Variants in CNGA1 observed in about 807,000 individuals in gnomAD.
The protein encoded by CNGA1 is cyclic nucleotide gated channel subunit alpha 1.
CNGA1 carries 53 observed loss-of-function variants against 69.7 expected under a neutral mutation model. That is an observed-to-expected ratio of 0.76 (90% CI 0.61 to 0.96). The LOEUF is 0.96. CNGA1 is among the 40% of genes least tolerant of loss of function. The probability of loss-of-function intolerance (pLI) is 0.00; values close to 1 mark genes in which losing one functional copy is unlikely to be tolerated. For missense variants in CNGA1, 739 were observed against 811.2 expected (o/e 0.91, Z 1.08); for synonymous variants, 249 against 283.5 (o/e 0.88, Z 1.22).
At chr4:47,958,353 G>C (rs1740220026) in intron 3 of CNGA1, among the ~76,000 whole-genome samples, 1 of 152,204 alleles carries the variant, frequency 6.6e-6, no homozygotes, top group South Asian at 2.1e-4. Context: ...GGCCAGGCGT[G>C]GTGGCTCACG....
chr4:47,996,951 T>C (rs1209611270), intron 2 of CNGA1, among the ~76,000 whole-genome samples: 3 of 152,082 alleles, frequency 2.0e-5, no homozygotes, highest in African/African-American at 7.2e-5. Flanking sequence ...CCCCAGCTAC[T>C]CAGGAGGCTG....
At chr4:47,940,734 T>C (rs778374810) in intron 10 of CNGA1, 29 bp downstream of exon 10, 2 of 1,378,598 alleles carry the variant, frequency 1.5e-6, no homozygotes, top group Non-Finnish European at 2.1e-6. Flanking sequence ...GCATGAAATT[T>C]TAAAATATTC....
intron 3 of CNGA1, among the ~76,000 whole-genome samples, chr4:47,954,650 C>T (rs1578080920): frequency 6.6e-6 from 1 of 152,254 alleles, no homozygotes; most frequent in Admixed American, 6.5e-5. Context: ...GAATGTTCCT[C>T]CTCCTAATTC....
At chr4:48,008,266 C>T (rs1715006768) in intron 2 of CNGA1, among the ~76,000 whole-genome samples, 1 of 152,146 alleles carries the variant, frequency 6.6e-6, no homozygotes, top group East Asian at 1.9e-4. Context: ...CCTGAACATC[C>T]CTTTCTTAAA....
intron 6 of CNGA1, 120 bp downstream of exon 6, chr4:47,949,713 A>G: frequency 2.8e-6 from 2 of 709,742 alleles, no homozygotes; most frequent in South Asian, 3.7e-5. Flanking sequence ...TATCATTGCC[A>G]TTGTATTAGA....
chr4:47,955,425 C>T (rs1308971977), intron 3 of CNGA1, among the ~76,000 whole-genome samples: 1 of 152,010 alleles, frequency 6.6e-6, no homozygotes, highest in Non-Finnish European at 1.5e-5. Flanking sequence ...TCAGGTGATC[C>T]GCCCCCTTCA....
intron 3 of CNGA1, among the ~76,000 whole-genome samples, chr4:47,961,736 A>C (rs577595051): frequency 6.6e-6 from 1 of 152,308 alleles, no homozygotes; most frequent in East Asian, 1.9e-4. Context: ...TCAAAAATAA[A>C]AATAAAAATA....
At chr4:47,950,920 A>G (rs1739699602) in intron 5 of CNGA1, among the ~76,000 whole-genome samples, 1 of 152,232 alleles carries the variant, frequency 6.6e-6, no homozygotes, top group South Asian at 2.1e-4. Context: ...TACTTGCTTC[A>G]GGACCCTGAA....
chr4:47,966,557 G>A (rs1014771620), intron 3 of CNGA1, among the ~76,000 whole-genome samples: 1 of 152,178 alleles, frequency 6.6e-6, no homozygotes, highest in African/African-American at 2.4e-5. Flanking sequence ...TGTTGCAAAG[G>A]ATTCCTGAAT....
intron 2 of CNGA1, among the ~76,000 whole-genome samples, chr4:47,983,612 AAGT>A (rs1353601996): frequency 2.7e-5 from 4 of 148,334 alleles, no homozygotes; most frequent in African/African-American, 7.7e-5. Context: ...AACAAAAAAA[AAGT>A]AAAAGAAAAA....
intron 2 of CNGA1, among the ~76,000 whole-genome samples, chr4:47,992,440 GT>G (rs570032743): frequency 0.11 from 17,148 of 151,770 alleles, 1,542 homozygotes; most frequent in East Asian, 0.31. Context: ...GTAAAAAAAA[GT>G]TTGAGTTCTT....
chr4:47,943,100 A>G, intron 8 of CNGA1, 81 bp downstream of exon 8: 1 of 991,380 alleles, frequency 1.0e-6, no homozygotes, highest in South Asian at 1.4e-5. Flanking sequence ...GTTTCTTTCT[A>G]CTTTGTATTA....
intron 3 of CNGA1, among the ~76,000 whole-genome samples, chr4:47,962,161 T>C (rs1284507727): frequency 2.6e-5 from 4 of 152,048 alleles, no homozygotes; most frequent in Admixed American, 2.6e-4. Context: ...CTGGCCAACA[T>C]AGTGAAACCC....
Position 48,016,611 on chromosome 4 carries a change from G to C in CNGA1, c.-351C>G, listed in dbSNP as rs1486708241. ...CCTGCCAGATACACCAGTTATCACA[G>C]GCCGCTCCCAGGCCTGCGGGGGCCC... On this transcript the variant is annotated 5_prime_UTR_variant, in exon 1 of 11. Coordinates refer to ENST00000514170, the MANE Select transcript of CNGA1 (RefSeq NM_001379270.1). The C allele has an allele frequency of 5.6e-6, 3 of 537,792 alleles. No homozygotes were observed. The highest frequency in any genetic ancestry group is 9.7e-6 in the Non-Finnish European group (3 of 309,044). 33.3% of individuals were successfully genotyped at this position (537,792 alleles called of 1,614,324 possible).
At chr4:47,994,393 G>A (rs1289262714) in intron 2 of CNGA1, among the ~76,000 whole-genome samples, 1 of 152,060 alleles carries the variant, frequency 6.6e-6, no homozygotes, top group African/African-American at 2.4e-5. Context: ...GATTGTGATA[G>A]TTTCCTGTTG....
intron 1 of CNGA1, among the ~76,000 whole-genome samples, chr4:48,016,024 A>C (rs1012845567): frequency 3.9e-5 from 6 of 152,232 alleles, no homozygotes; most frequent in Non-Finnish European, 5.9e-5. Flanking sequence ...GTGAGATTTA[A>C]TTAATACATA....
intron 6 of CNGA1, 107 bp from the exon 7 acceptor site, chr4:47,943,519 C>CA (rs1306877601): frequency 1.4e-6 from 1 of 726,646 alleles, no homozygotes; most frequent in African/African-American, 1.8e-5. Flanking sequence ...AGACCTGCTC[C>CA]AGTGCTCAAA....
intron 9 of CNGA1, among the ~76,000 whole-genome samples, chr4:47,941,419 C>T (rs2053406): frequency 0.98 from 148,569 of 152,366 alleles, 72,467 homozygotes; most frequent in East Asian, 1. Context: ...GTACCCAAAA[C>T]GCTTTAGGAA....
chr4:47,968,788 A>G (rs975920781), intron 3 of CNGA1, among the ~76,000 whole-genome samples: 2 of 152,184 alleles, frequency 1.3e-5, no homozygotes, highest in African/African-American at 4.8e-5. Context: ...TCAGGTGGAA[A>G]TGGGGCAGGA....
Sources: allele counts gnomAD v4.1 joint callset (sites outside exome capture counted in the v4.1 genomes callset), GRCh38; gene constraint gnomAD v4.1.1; transcripts MANE v1.5; gene names NCBI Gene and HGNC (gene_info 2026-07-23, HGNC 2026-07-21).